ANGPT1: variants seen among roughly 807,000 people sequenced by gnomAD.
ANGPT1 encodes angiopoietin-1.
ANGPT1 carries 17 observed loss-of-function variants against 62.2 expected under a neutral mutation model. The observed-to-expected ratio is 0.27, with a 90% CI of 0.19 to 0.41. The LOEUF is 0.41. Ranked by LOEUF, ANGPT1 falls within the 10% of genes least tolerant of loss-of-function variation. ANGPT1 has a pLI of 1.00. For missense variants in ANGPT1, 478 were observed against 594.9 expected (o/e 0.80, Z 2.04); for synonymous variants, 199 against 198.9 (o/e 1.00, Z 0.00).
chr8:107,439,202 G>T (rs1369814365), intron 1 of ANGPT1, among the ~76,000 whole-genome samples: 2 of 152,144 alleles, frequency 1.3e-5, no homozygotes, highest in African/African-American at 4.8e-5. Context: ...CATTAATTTA[G>T]AAACCAGTAA....
intron 1 of ANGPT1, among the ~76,000 whole-genome samples, chr8:107,466,143 C>T (rs1392187258): frequency 1.3e-5 from 2 of 152,098 alleles, no homozygotes; most frequent in East Asian, 3.9e-4. Context: ...TTAGAAATTT[C>T]CACTTAATGT....
At chr8:107,411,701 A>C (rs544049758) in intron 1 of ANGPT1, among the ~76,000 whole-genome samples, 1 of 152,328 alleles carries the variant, frequency 6.6e-6, no homozygotes, top group African/African-American at 2.4e-5. Context: ...CTATTTAAAA[A>C]TAATCTAGCT....
At chr8:107,287,167 G>T (rs998171854) in intron 6 of ANGPT1, among the ~76,000 whole-genome samples, 15 of 152,128 alleles carry the variant, frequency 9.9e-5, no homozygotes, top group Admixed American at 3.9e-4. Context: ...ATGATGAAGT[G>T]TTAAGTTTTG....
chr8:107,337,071 C>T (rs1815585354), intron 2 of ANGPT1, among the ~76,000 whole-genome samples: 1 of 152,124 alleles, frequency 6.6e-6, no homozygotes, highest in Non-Finnish European at 1.5e-5. Context: ...CTAGCCTTTC[C>T]GGATATCATG....
At chr8:107,382,063 A>G (rs1158761649) in intron 1 of ANGPT1, among the ~76,000 whole-genome samples, 1 of 152,134 alleles carries the variant, frequency 6.6e-6, no homozygotes, top group Non-Finnish European at 1.5e-5. Context: ...TCCTGCCTCT[A>G]TATTCTGAAT....
chr8:107,261,088 C>A (rs1408773252), intron 8 of ANGPT1, among the ~76,000 whole-genome samples: 1 of 151,846 alleles, frequency 6.6e-6, no homozygotes, highest in African/African-American at 2.4e-5. Flanking sequence ...GAAAAAATAT[C>A]TTTGAAAATA....
intron 1 of ANGPT1, among the ~76,000 whole-genome samples, chr8:107,440,566 T>C (rs1433184): frequency 0.2 from 30,364 of 152,190 alleles, 3,223 homozygotes; most frequent in Non-Finnish European, 0.24. Context: ...TTACAAATTG[T>C]CAATTCTTTT....
intron 1 of ANGPT1, among the ~76,000 whole-genome samples, chr8:107,447,467 C>T (rs1241428996): frequency 1.3e-5 from 2 of 152,200 alleles, no homozygotes; most frequent in Non-Finnish European, 2.9e-5. Flanking sequence ...AAATGTATTT[C>T]TTTGGCCAGT....
chr8:107,261,905 C>T (rs916390174), intron 8 of ANGPT1, among the ~76,000 whole-genome samples: 1 of 151,278 alleles, frequency 6.6e-6, no homozygotes, highest in African/African-American at 2.4e-5. Context: ...AAAGATTTAT[C>T]CCAAACCAGC....
At chr8:107,419,264 C>T (rs1351731059) in intron 1 of ANGPT1, among the ~76,000 whole-genome samples, 3 of 152,088 alleles carry the variant, frequency 2.0e-5, no homozygotes, top group Admixed American at 1.3e-4. Context: ...TTGCCCTTCT[C>T]CCCTGAAGCA....
At chr8:107,396,622 A>G (rs186061301) in intron 1 of ANGPT1, among the ~76,000 whole-genome samples, 311 of 149,426 alleles carry the variant, frequency 2.1e-3, no homozygotes, top group Admixed American at 0.015. Context: ...TTGGACTTAA[A>G]GGATCTTCAT....
At chr8:107,257,870 G>GTTTTTTTTTTTTTTTTTTTTTTTTTTTTT (rs750634420) in intron 8 of ANGPT1, among the ~76,000 whole-genome samples, 3 of 45,202 alleles carry the variant, frequency 6.6e-5, no homozygotes, top group Non-Finnish European at 9.2e-5. Flanking sequence ...CCAAGGACTT[G>GTTTTTTTTTTTTTTTTTTTTTTTTTTTTT]TTTTTGTTTC....
At chr8:107,372,736 G>T (rs540714124) in intron 1 of ANGPT1, among the ~76,000 whole-genome samples, 94 of 151,950 alleles carry the variant, frequency 6.2e-4, no homozygotes, top group Non-Finnish European at 8.8e-5. Flanking sequence ...TCTCCAGTGA[G>T]GAGGAAACAA....
intron 1 of ANGPT1, among the ~76,000 whole-genome samples, chr8:107,489,916 A>G (rs1460788156): frequency 6.6e-6 from 1 of 151,838 alleles, no homozygotes; most frequent in Admixed American, 6.6e-5. Flanking sequence ...TAAGCAAATG[A>G]CACAATATAG....
chr8:107,394,084 C>T (rs866912743), intron 1 of ANGPT1, among the ~76,000 whole-genome samples: 9 of 152,036 alleles, frequency 5.9e-5, no homozygotes, highest in Non-Finnish European at 7.4e-5. Context: ...TTACAGTGCC[C>T]GCAAGCATTC....
intron 1 of ANGPT1, among the ~76,000 whole-genome samples, chr8:107,389,073 C>G (rs1379534761): frequency 1.3e-5 from 2 of 152,102 alleles, no homozygotes; most frequent in African/African-American, 2.4e-5. Context: ...AATTCTACAT[C>G]CTTTATAGCC....
intron 1 of ANGPT1, among the ~76,000 whole-genome samples, chr8:107,396,514 TCTC>T (rs1816937788): frequency 9.0e-6 from 1 of 110,952 alleles, no homozygotes; most frequent in Non-Finnish European, 1.8e-5. Flanking sequence ...TTTTCTTTTC[TCTC>T]TTTTTTTTTT....
chr8:107,395,845 T>A (rs968264826), intron 1 of ANGPT1, among the ~76,000 whole-genome samples: 19 of 152,150 alleles, frequency 1.2e-4, no homozygotes, highest in African/African-American at 4.6e-4. Context: ...AGGATGTACT[T>A]CTTCATCATT....
At chr8:107,297,741 T>A (rs1322693841) in intron 5 of ANGPT1, among the ~76,000 whole-genome samples, 2 of 148,984 alleles carry the variant, frequency 1.3e-5, no homozygotes, top group African/African-American at 5.0e-5. Flanking sequence ...TTTCTATATG[T>A]ATTATGTATG....
Sources: gnomAD v4.1 joint callset for allele counts (sites outside exome capture counted in the v4.1 genomes callset) on GRCh38, gnomAD v4.1.1 for gene constraint, MANE v1.5 for transcripts, NCBI Gene and HGNC (gene_info 2026-07-23, HGNC 2026-07-21) for gene names.